Variants in RBM27 observed in about 807,000 individuals in gnomAD.
RBM27 encodes the protein RNA binding motif protein 27, also known as RNA-binding protein 27.
RBM27 carries 22 observed loss-of-function variants against 135.3 expected under a neutral mutation model. The observed-to-expected ratio is 0.16, with a 90% CI of 0.12 to 0.23. The LOEUF (loss-of-function observed/expected upper bound fraction) is 0.23. RBM27 is among the 10% of genes least tolerant of loss of function. RBM27 has a pLI of 1.00. For synonymous variants in RBM27, 481 were observed against 442.4 expected, an observed-to-expected ratio of 1.09 and a Z score of -1.10; for missense variants, 1,009 against 1,281.0, an observed-to-expected ratio of 0.79 and a Z score of 3.24.
intron 2 of RBM27, among the ~76,000 whole-genome samples, chr5:146,221,090 G>T (rs975334747): frequency 4.0e-5 from 6 of 151,506 alleles, no homozygotes; most frequent in African/African-American, 1.5e-4. Flanking sequence ...GCATGGTGGT[G>T]GGCGCCTGTA....
At position 146,286,278 on chromosome 5, in the gene RBM27, C is replaced by G; in HGVS notation, c.*248C>G. ...GCAATGACATGGATAATCTCTAGAGCCTTATTTTCCACACCACCTTTTTTT... is the reference window on the plus strand; with the variant it reads ...GCAATGACATGGATAATCTCTAGAGGCTTATTTTCCACACCACCTTTTTTT... On this transcript the variant is annotated 3_prime_UTR_variant, in exon 21 of 21. Transcript: ENST00000265271. 3.6e-6 allele frequency: 1 copy of G among 280,442 alleles called. No individual in the cohort carries two copies. The highest frequency in any genetic ancestry group is 6.5e-6 in the Non-Finnish European group (1 of 152,682). The allele number at this position is 280,442 out of a possible 1,614,324, so 17.4% of individuals were successfully genotyped here.
chr5:146,216,013 G>T (rs1756175552), intron 1 of RBM27, among the ~76,000 whole-genome samples: 1 of 152,146 alleles, frequency 6.6e-6, no homozygotes, highest in Non-Finnish European at 1.5e-5. Flanking sequence ...CCTCCCAAGT[G>T]CTGGGATTGC....
intron 3 of RBM27, among the ~76,000 whole-genome samples, chr5:146,228,335 G>T (rs1280130834): frequency 6.9e-6 from 1 of 144,872 alleles, no homozygotes; most frequent in Non-Finnish European, 1.5e-5. Context: ...AGGCTGGAGC[G>T]CAGTGGCGTG....
chr5:146,262,923 T>TC (rs981941855), intron 13 of RBM27, among the ~76,000 whole-genome samples: 7 of 151,594 alleles, frequency 4.6e-5, no homozygotes, highest in African/African-American at 1.7e-4. Flanking sequence ...TCCTGCTTTG[T>TC]CGTCATTCAG....
intron 14 of RBM27, among the ~76,000 whole-genome samples, chr5:146,266,513 G>A (rs553838560): frequency 1.1e-3 from 170 of 152,262 alleles, no homozygotes; most frequent in Non-Finnish European, 1.6e-3. Context: ...GTTTAATTTT[G>A]ATGATAATTA....
intron 4 of RBM27, among the ~76,000 whole-genome samples, chr5:146,229,244 GT>G (rs1230953558): frequency 6.6e-6 from 1 of 151,854 alleles, no homozygotes; most frequent in Non-Finnish European, 1.5e-5. Flanking sequence ...ATTATTATGT[GT>G]TTTCCCCAAG....
rs1298198015 is a variant in RBM27, at chr5:146,288,368, C to T, written c.*2338C>T. The T allele has an allele frequency of 6.6e-6, 1 of 151,972 alleles. No homozygotes were observed. Among genetic ancestry groups the T allele is most frequent in the Non-Finnish European group, 1.5e-5 (1 of 67,934 alleles). The allele number at this position is 151,972 out of a possible 1,614,324, so 9.4% of individuals were successfully genotyped here. ...AGGCCCTTTCTATAAGTTTTCAGTA[C>T]ACCTTAAACAGGACTAAAAATACTT... On this transcript the variant is annotated 3_prime_UTR_variant, in exon 21 of 21. Transcript: ENST00000265271.
At chr5:146,228,884 A>T in intron 3 of RBM27, 62 bp from the exon 4 acceptor site, 1 of 1,361,896 alleles carries the variant, frequency 7.3e-7, no homozygotes, top group Non-Finnish European at 1.0e-6. Flanking sequence ...AAATGTTGGG[A>T]TTACAGGTGT....
At chr5:146,246,882 T>A (rs1455115195) in intron 8 of RBM27, among the ~76,000 whole-genome samples, 1 of 151,224 alleles carries the variant, frequency 6.6e-6, no homozygotes, top group African/African-American at 2.4e-5. Flanking sequence ...TTTTTTTTTT[T>A]AGACAAGGTC....
chr5:146,264,190 G>C (rs983320690), intron 14 of RBM27, among the ~76,000 whole-genome samples: 15 of 151,830 alleles, frequency 9.9e-5, no homozygotes, highest in African/African-American at 3.6e-4. Context: ...TTGTTTGTTT[G>C]TTTGTTTTTT....
Position 146,251,129 on chromosome 5 carries a change from G to T in RBM27, c.1280-582G>T, listed in dbSNP as rs565253575. Among the ~76,000 whole-genome samples, 380 of 152,224 alleles carry T rather than the reference G, an allele frequency of 2.5e-3. 4 individuals are homozygous for T. The highest frequency in any genetic ancestry group is 8.8e-3 in the African/African-American group (367 of 41,532). On this transcript the variant is annotated intron_variant, in intron 8 of 20. Transcript: ENST00000265271. ...TTTTTGTTATCCATGTGCTCACAGA[G>T]ATAACAAATTTTCACTATCTTTAAT...
intron 20 of RBM27, among the ~76,000 whole-genome samples, 182 bp from the exon 21 acceptor site, chr5:146,285,765 A>G (rs777328443): frequency 6.6e-6 from 1 of 150,930 alleles, no homozygotes; most frequent in Non-Finnish European, 1.5e-5. Context: ...AGAAGAATTC[A>G]TATTCATTTA....
chr5:146,238,733 A>C (rs966157342), intron 8 of RBM27, among the ~76,000 whole-genome samples: 12 of 151,686 alleles, frequency 7.9e-5, no homozygotes, highest in African/African-American at 2.9e-4. Flanking sequence ...TATATCATAA[A>C]GTTTATTTTG....
intron 10 of RBM27, among the ~76,000 whole-genome samples, chr5:146,255,656 C>T (rs1303851312): frequency 1.3e-5 from 2 of 152,080 alleles, no homozygotes; most frequent in Non-Finnish European, 2.9e-5. Context: ...TAACCTCCTA[C>T]CTACTCCCCC....
intron 19 of RBM27, among the ~76,000 whole-genome samples, chr5:146,278,408 A>G (rs888458730): frequency 9.8e-5 from 15 of 152,320 alleles, no homozygotes; most frequent in African/African-American, 3.6e-4. Context: ...TACAATGAAA[A>G]ATAAGATTTC....
intron 8 of RBM27, among the ~76,000 whole-genome samples, chr5:146,242,725 C>G (rs1757457030): frequency 1.3e-5 from 2 of 152,090 alleles, no homozygotes; most frequent in Non-Finnish European, 2.9e-5. Context: ...TCCCCAGTAG[C>G]TGGGATTACA....
At chr5:146,219,411 G>C (rs906405729) in intron 2 of RBM27, among the ~76,000 whole-genome samples, 4 of 152,164 alleles carry the variant, frequency 2.6e-5, no homozygotes, top group African/African-American at 4.8e-5. Flanking sequence ...GGATAATGAA[G>C]ATGCTTATTC....
chr5:146,265,395 G>T (rs1380701165), intron 14 of RBM27, among the ~76,000 whole-genome samples: 1 of 152,148 alleles, frequency 6.6e-6, no homozygotes, highest in Non-Finnish European at 1.5e-5. Context: ...TGAACACAGA[G>T]AAGTATTTGC....
chr5:146,243,266 CA>C (rs1054569411), intron 8 of RBM27, among the ~76,000 whole-genome samples: 1 of 151,568 alleles, frequency 6.6e-6, no homozygotes, highest in African/African-American at 2.4e-5. Context: ...AACGCCATCT[CA>C]AAAAAATAAA....
Sources: allele counts gnomAD v4.1 joint callset (sites outside exome capture counted in the v4.1 genomes callset), GRCh38; gene constraint gnomAD v4.1.1; transcripts MANE v1.5; gene names NCBI Gene and HGNC (gene_info 2026-07-23, HGNC 2026-07-21).